The following GASK1A variants were observed in gnomAD, a reference collection of about 807,000 sequenced individuals.
GASK1A encodes golgi associated kinase 1A.
In GASK1A, 40 loss-of-function variants were observed where a neutral mutation model predicts 41.2. That is an observed-to-expected ratio of 0.97 (90% CI 0.75 to 1.27). The LOEUF is 1.27. Ranked by LOEUF, GASK1A falls within the 50% of genes most tolerant of loss-of-function variation. The pLI is 0.00. For synonymous variants in GASK1A, 316 were observed against 307.1 expected, an observed-to-expected ratio of 1.03 and a Z score of -0.30; for missense variants, 678 against 745.1, an observed-to-expected ratio of 0.91 and a Z score of 1.05.
At chr3:43,013,541 C>A (rs539850071) in intron 1 of GASK1A, among the ~76,000 whole-genome samples, 3 of 135,048 alleles carry the variant, frequency 2.2e-5, no homozygotes, top group African/African-American at 8.4e-5. Context: ...GTCACAGGAA[C>A]AGGCATTGTG....
intron 1 of GASK1A, among the ~76,000 whole-genome samples, chr3:42,995,063 AT>A (rs1442344210): frequency 1.3e-5 from 2 of 152,166 alleles, no homozygotes; most frequent in African/African-American, 4.8e-5. Flanking sequence ...AGTGGCTCTC[AT>A]ATTGGACATT....
At chr3:42,980,349 A>G (rs1333719881) in intron 1 of GASK1A, among the ~76,000 whole-genome samples, 1 of 152,114 alleles carries the variant, frequency 6.6e-6, no homozygotes, top group African/African-American at 2.4e-5. Flanking sequence ...GCTAAAGGAC[A>G]CATGCAACCC....
chr3:43,041,627 C>T (rs1359313898), intron 2 of GASK1A, among the ~76,000 whole-genome samples: 1 of 152,202 alleles, frequency 6.6e-6, no homozygotes, highest in African/African-American at 2.4e-5. Context: ...TTGCCACCAT[C>T]CACCTTCTGA....
chr3:43,032,357 C>T lies in GASK1A; in HGVS notation c.94C>T (p.Arg32Cys), dbSNP rs377368988. The T allele has an allele frequency of 5.2e-6, 8 of 1,551,486 alleles. No individual in the cohort carries two copies. Among genetic ancestry groups the T allele is most frequent in the Admixed American group, 2.0e-5 (1 of 50,990 alleles). The change falls in exon 2 of 5, where the codon CGC becomes TGC. Residue 32 changes from arginine to cysteine, a missense_variant. Coordinates refer to ENST00000430121, the MANE Select transcript of GASK1A (RefSeq NM_001129908.3). ...LMILSAMAVT[R>C]FPPQRPSAGP... ...GATCCTATCTGCGATGGCTGTCACCCGCTTTCCCCCACAGCGTCCATCCGC... is the reference window on the plus strand; with the variant it reads ...GATCCTATCTGCGATGGCTGTCACCTGCTTTCCCCCACAGCGTCCATCCGC...
intron 1 of GASK1A, among the ~76,000 whole-genome samples, chr3:43,025,932 C>T (rs1399151566): frequency 1.3e-5 from 2 of 152,190 alleles, no homozygotes; most frequent in Non-Finnish European, 2.9e-5. Flanking sequence ...AATTAGGAGG[C>T]AGTCACCAAA....
chr3:43,033,422 T>G lies in GASK1A; in HGVS notation c.1159T>G (p.Ser387Ala). 6.4e-7 allele frequency: 1 copy of G among 1,551,534 alleles called. No homozygotes were observed. Among genetic ancestry groups the G allele is most frequent in the Admixed American group, 2.0e-5 (1 of 51,014 alleles). ...GAGCGACCCAGATGAGGATCAGAAC[T>G]CTCTGGCCTTGGGCTGGCTGCAGTA... ...HLSDPDEDQNSLALGWLQYQA... is the reference protein window; with the variant it reads ...HLSDPDEDQNALALGWLQYQA... Residue 387 changes from serine to alanine, a missense_variant, in exon 2 of 5, where the codon TCT (serine) becomes GCT (alanine). By Grantham distance (99) the Ser-to-Ala change is moderately conservative (BLOSUM62 1). Coordinates refer to ENST00000430121, the MANE Select transcript of GASK1A (RefSeq NM_001129908.3).
intron 1 of GASK1A, among the ~76,000 whole-genome samples, chr3:43,000,425 C>T (rs1157858624): frequency 6.6e-6 from 1 of 152,250 alleles, no homozygotes; most frequent in Admixed American, 6.5e-5. Flanking sequence ...ATAAACATCT[C>T]CTTTGGCCCC....
At chr3:43,005,188 T>C (rs2089430046) in intron 1 of GASK1A, among the ~76,000 whole-genome samples, 1 of 152,186 alleles carries the variant, frequency 6.6e-6, no homozygotes, top group Non-Finnish European at 1.5e-5. Flanking sequence ...ACCCTTAATT[T>C]AATCACACCG....
Position 43,032,590 on chromosome 3 carries a change from A to C in GASK1A, c.327A>C (p.Gly109=), listed in dbSNP as rs913177282. 4.5e-6 allele frequency: 7 copies of C among 1,551,442 alleles called. No homozygotes were observed. The highest frequency in any genetic ancestry group is 6.1e-6 in the Non-Finnish European group (7 of 1,146,888). Residue 109 remains glycine (G), a synonymous_variant, in exon 2 of 5, where the codon GGA becomes GGC. Coordinates refer to ENST00000430121, the MANE Select transcript of GASK1A (RefSeq NM_001129908.3). ...TGGACAGAAGCAGGGAGTCCCCAGG[A>C]GGGGACCTCAGGCATCCAGGGAGGG... ...ARVDRSRESP[G]GDLRHPGRVR...
At chr3:43,023,015 G>A (rs1032269992) in intron 1 of GASK1A, among the ~76,000 whole-genome samples, 2 of 152,158 alleles carry the variant, frequency 1.3e-5, no homozygotes, top group Admixed American at 6.5e-5. Context: ...TAATTACCAT[G>A]TGTAGTAGGC....
intron 1 of GASK1A, among the ~76,000 whole-genome samples, chr3:43,003,110 C>A (rs940200233): frequency 6.6e-6 from 1 of 152,178 alleles, no homozygotes; most frequent in African/African-American, 2.4e-5. Context: ...AGGAAAATAG[C>A]TACTTTACTT....
At chr3:42,981,004 G>A (rs1457654771) in intron 1 of GASK1A, among the ~76,000 whole-genome samples, 2 of 152,226 alleles carry the variant, frequency 1.3e-5, no homozygotes, top group African/African-American at 4.8e-5. Context: ...AGGCTCTGTG[G>A]TCTGCGGCTG....
Position 42,979,520 on chromosome 3 carries a change from C to G in GASK1A, c.-123C>G, listed in dbSNP as rs1186609570. The G allele has an allele frequency of 9.1e-7, 1 of 1,093,780 alleles. No individual in the cohort carries two copies. The highest frequency in any genetic ancestry group is 4.6e-5 in the South Asian group (1 of 21,674). The allele number at this position is 1,093,780 out of a possible 1,614,324, so 67.8% of individuals were successfully genotyped here. A position where few individuals can be genotyped will look rare whatever the true frequency, so the allele number is the denominator to read the frequency against. On this transcript the variant is annotated 5_prime_UTR_variant, in exon 1 of 5. Transcript: ENST00000430121. ...TTCAGTCCGGGAAACCCGCCCCAGC[C>G]GAGTAGCCGCGCATCCTGGGAAGCC...
At chr3:43,037,679 A>G (rs549470098) in intron 2 of GASK1A, among the ~76,000 whole-genome samples, 1 of 152,322 alleles carries the variant, frequency 6.6e-6, no homozygotes, top group Admixed American at 6.5e-5. Context: ...AAGAAAATGA[A>G]GAGCATTTGA....
chr3:43,039,037 A>G (rs1454620007), intron 2 of GASK1A, among the ~76,000 whole-genome samples: 1 of 78,520 alleles, frequency 1.3e-5, no homozygotes, highest in Non-Finnish European at 3.0e-5. Context: ...ACCTCTTTTG[A>G]CTTTTTTTTT....
At position 43,033,326 on chromosome 3, in the gene GASK1A, C is replaced by T. The variant is rs1193680176; in HGVS notation, c.1063C>T (p.Leu355Phe). The T allele has an allele frequency of 5.8e-6, 9 of 1,551,160 alleles. No individual in the cohort carries two copies. The highest frequency in any genetic ancestry group is 6.1e-6 in the Non-Finnish European group (7 of 1,146,810). Reference protein sequence around the residue: ...PAVARRFHSPLLPYRYTDGGA... With the variant: ...PAVARRFHSPFLPYRYTDGGA... ...TGTGGCCCGCCGCTTCCATAGCCCCCTCCTGCCCTACCGATACACAGACGG... is the reference window on the plus strand; with the variant it reads ...TGTGGCCCGCCGCTTCCATAGCCCCTTCCTGCCCTACCGATACACAGACGG... Residue 355 changes from leucine to phenylalanine, a missense_variant, in exon 2 of 5, where the codon CTC becomes TTC. Transcript: ENST00000430121.
At chr3:43,018,915 C>A (rs2089507572) in intron 1 of GASK1A, among the ~76,000 whole-genome samples, 1 of 152,178 alleles carries the variant, frequency 6.6e-6, no homozygotes, top group Non-Finnish European at 1.5e-5. Context: ...GCAACTAGGT[C>A]AGCTAGCTCT....
At chr3:43,043,100 T>C (rs1300492026) in intron 2 of GASK1A, among the ~76,000 whole-genome samples, 1 of 152,138 alleles carries the variant, frequency 6.6e-6, no homozygotes, top group Non-Finnish European at 1.5e-5. Context: ...GGGAGTTGGC[T>C]CTCCTCCTGC....
intron 4 of GASK1A, chr3:43,055,879 T>C: frequency 2.1e-6 from 1 of 472,072 alleles, no homozygotes; most frequent in Non-Finnish European, 3.8e-6. Context: ...CTTCCCAGGA[T>C]TCTTTCTGGC....
Sources: gnomAD v4.1 joint callset for allele counts (sites outside exome capture counted in the v4.1 genomes callset) on GRCh38, gnomAD v4.1.1 for gene constraint, MANE v1.5 for transcripts, NCBI Gene and HGNC (gene_info 2026-07-23, HGNC 2026-07-21) for gene names.